ANKRD31: variants seen among roughly 807,000 people sequenced by gnomAD.
ANKRD31 encodes the protein ankyrin repeat domain-containing protein 31.
ANKRD31 carries 147 observed loss-of-function variants against 186.0 expected under a neutral mutation model. That is an observed-to-expected ratio of 0.79 (90% confidence interval 0.69 to 0.91). The LOEUF is 0.91. Ranked by LOEUF, ANKRD31 falls within the 40% of genes least tolerant of loss-of-function variation. The probability of loss-of-function intolerance (pLI) is 0.00; values close to 1 mark genes in which losing one functional copy is unlikely to be tolerated. For synonymous variants in ANKRD31, 673 were observed against 736.4 expected, an observed-to-expected ratio of 0.91 and a Z score of 1.39; for missense variants, 1,986 against 2,148.8, an observed-to-expected ratio of 0.92 and a Z score of 1.50.
At position 75,084,347 on chromosome 5, in the gene ANKRD31, T is replaced by A. The variant is rs1745319221; in HGVS notation, c.5500A>T (p.Arg1834Trp). 1 of 1,537,134 alleles carries A rather than the reference T, an allele frequency of 6.5e-7. No homozygotes were observed. The highest frequency in any genetic ancestry group is 8.7e-7 in the Non-Finnish European group (1 of 1,146,836). Residue 1834 changes from arginine (R) to tryptophan (W), a missense_variant, in exon 24 of 26, where the codon AGG becomes TGG. Arg to Trp is a moderately radical substitution (Grantham distance 101). Coordinates refer to ENST00000506364, the MANE Select transcript of ANKRD31 (RefSeq NM_001372053.1). ...ATGGGTGCATCCTCAGAAACATACC[T>A]TAAAAGCTCCTTCCCAAGATACGTT... Reference protein sequence around the residue: ...KVTYLGKELLRYVSEDAPILP... With the variant: ...KVTYLGKELLWYVSEDAPILP...
In ANKRD31 at chr5:75,144,076, T is replaced by C. The variant is rs903886292; in HGVS notation, c.3520A>G (p.Thr1174Ala). The C allele has an allele frequency of 1.3e-5, 5 of 397,604 alleles. No individual in the cohort carries two copies. The highest frequency in any genetic ancestry group is 2.1e-5 in the African/African-American group (1 of 48,702). 24.6% of individuals were successfully genotyped at this position (397,604 alleles called of 1,614,324 possible). Residue 1174 changes from threonine (T) to alanine (A), a missense_variant, in exon 15 of 26, where the codon ACT (threonine) becomes GCT (alanine). Transcript: ENST00000506364. ...ACTGTTTTGTGTTCTTGGCTATTAG[T>C]AGGCATGTGAATTTCTGACTCCGTT... ...EKTESEIHMP[T>A]NSQEHKTVQN...
chr5:75,178,477 G>C (rs1754003953), intron 10 of ANKRD31, among the ~76,000 whole-genome samples: 2 of 152,174 alleles, frequency 1.3e-5, no homozygotes, highest in African/African-American at 2.4e-5. Flanking sequence ...TGACCACATA[G>C]TTGGAAGTAA....
At position 75,176,876 on chromosome 5, in the gene ANKRD31, G is replaced by A. The variant is rs146856644; in HGVS notation, c.1565-7755C>T. 1.7e-3 allele frequency among the ~76,000 whole-genome samples: 266 copies of A among 152,308 alleles called. 5 individuals carry two copies. Among genetic ancestry groups the A allele is most frequent in the East Asian group, 6.8e-3 (35 of 5,182 alleles). ...TCCTCACCAGCAATGGAACAAAGCT[G>A]GATGGAGAATGACTTTGACGAGTTG... On this transcript the variant is annotated intron_variant, in intron 10 of 25. Coordinates refer to ENST00000506364, the MANE Select transcript of ANKRD31 (RefSeq NM_001372053.1).
At chr5:75,100,705 G>C (rs1223273839) in intron 22 of ANKRD31, among the ~76,000 whole-genome samples, 2 of 152,058 alleles carry the variant, frequency 1.3e-5, no homozygotes, top group South Asian at 4.1e-4. Context: ...TTTGATCTTT[G>C]TTGGTTTAAA....
intron 10 of ANKRD31, among the ~76,000 whole-genome samples, chr5:75,178,657 G>T (rs1346649228): frequency 1.3e-5 from 2 of 152,006 alleles, no homozygotes; most frequent in Non-Finnish European, 2.9e-5. Flanking sequence ...TGAAATGAAG[G>T]CAAAAATAAA....
intron 6 of ANKRD31, 44 bp from the exon 7 acceptor site, chr5:75,196,244 T>A: frequency 7.7e-7 from 1 of 1,305,718 alleles, no homozygotes; most frequent in Non-Finnish European, 9.9e-7. Context: ...GCATATACAA[T>A]AAAGTATTTA....
In ANKRD31 at chr5:75,179,423, C is replaced by A. The variant is rs563511192; in HGVS notation, c.1564+9070G>T. ...TCCTGATGCCAAAGCCTGGCAGAGA[C>A]ACAACAAAAAAAGAGAATTTTAGAC... On this transcript the variant is annotated intron_variant, in intron 10 of 25. Coordinates refer to ENST00000506364, the MANE Select transcript of ANKRD31 (RefSeq NM_001372053.1). Among the ~76,000 whole-genome samples, 5 of 152,182 alleles carry A rather than the reference C, an allele frequency of 3.3e-5. No homozygotes were observed. The East Asian group carries it at 7.7e-4, about 23-fold the overall frequency.
At chr5:75,215,818 C>T (rs1372906855) in intron 3 of ANKRD31, among the ~76,000 whole-genome samples, 1 of 150,320 alleles carries the variant, frequency 6.7e-6, no homozygotes, top group Admixed American at 6.6e-5. Context: ...TGCAAAACAA[C>T]AAATTAAAAA....
chr5:75,212,876 T>C (rs1280535904), intron 3 of ANKRD31, among the ~76,000 whole-genome samples: 3 of 152,250 alleles, frequency 2.0e-5, no homozygotes, highest in East Asian at 3.9e-4. Flanking sequence ...TCTCTGAAAA[T>C]AAAGCCATTA....
In ANKRD31 at chr5:75,193,389, T is replaced by C; in HGVS notation, c.1220A>G (p.Lys407Arg). Residue 407 changes from lysine (K) to arginine (R), a missense_variant, in exon 8 of 26, where the codon AAG becomes AGG. By Grantham distance (26) the Lys-to-Arg change is conservative. Coordinates refer to ENST00000506364, the MANE Select transcript of ANKRD31 (RefSeq NM_001372053.1). ...TTTTGGTAAAATCTTTTCTGGCATC[T>C]TATACATGTGATCTGAGTACTTTGC... is the stretch of plus-strand genomic sequence containing the variant. ...RDAKYSDHMY[K>R]MPEKILPKIL... 1 of 1,537,124 alleles carries C rather than the reference T, an allele frequency of 6.5e-7. No individual in the cohort carries two copies. The highest frequency in any genetic ancestry group is 8.7e-7 in the Non-Finnish European group (1 of 1,146,744).
chr5:75,222,246 C>G lies in ANKRD31; in HGVS notation c.288+3G>C, dbSNP rs1757346370. 6.6e-7 allele frequency: 1 copy of G among 1,526,560 alleles called. No homozygotes were observed. Among genetic ancestry groups the G allele is most frequent in the South Asian group, 1.2e-5 (1 of 83,186 alleles). The allele number at this position is 1,526,560 out of a possible 1,614,324, so 94.6% of individuals were successfully genotyped here. On this transcript the variant is annotated splice_donor_region_variant and intron_variant, in intron 3 of 25. Coordinates refer to ENST00000506364, the MANE Select transcript of ANKRD31 (RefSeq NM_001372053.1). ...GTATGTATTCAATCAACATGCTACA[C>G]ACCTGTAATATTGTATCCTCGCTAA...
intron 16 of ANKRD31, among the ~76,000 whole-genome samples, chr5:75,138,552 G>C (rs1217834623): frequency 6.6e-6 from 1 of 152,158 alleles, no homozygotes; most frequent in East Asian, 1.9e-4. Flanking sequence ...TCTCATCAAA[G>C]TTACAGGATA....
intron 4 of ANKRD31, among the ~76,000 whole-genome samples, chr5:75,208,493 A>G (rs1756398878): frequency 6.6e-6 from 1 of 151,626 alleles, no homozygotes; most frequent in Admixed American, 6.6e-5. Context: ...TCCTTATCTG[A>G]CTGAGAAAGC....
intron 23 of ANKRD31, among the ~76,000 whole-genome samples, chr5:75,086,534 G>A (rs1474978791): frequency 6.6e-6 from 1 of 152,220 alleles, no homozygotes; most frequent in Non-Finnish European, 1.5e-5. Flanking sequence ...GGAAGAGCTG[G>A]AGGCTAAGTT....
chr5:75,195,661 CTGAGACGTAT>C lies in ANKRD31; in HGVS notation c.977_986del (p.Asn326ArgfsTer9). ...CTATTTGTGTACAATCTTCATTGGT[CTGAGACGTAT>C]TGAACTCCACTTCTAAACATTCATT... On this transcript the variant is annotated frameshift_variant, in exon 7 of 26. Transcript: ENST00000506364. LOFTEE classifies it high-confidence loss of function. The C allele has an allele frequency of 6.5e-7, 1 of 1,534,670 alleles. No homozygotes were observed.
chr5:75,133,181 A>G (rs972113027), intron 17 of ANKRD31, among the ~76,000 whole-genome samples: 1 of 152,246 alleles, frequency 6.6e-6, no homozygotes, highest in African/African-American at 2.4e-5. Context: ...TTAAATGTAA[A>G]TGAGCTAACT....
At chr5:75,124,447 A>C (rs976836523) in intron 17 of ANKRD31, among the ~76,000 whole-genome samples, 1 of 152,210 alleles carries the variant, frequency 6.6e-6, no homozygotes, top group South Asian at 2.1e-4. Flanking sequence ...ACCCACAGGA[A>C]AAGAAATCAT....
chr5:75,112,900 T>C (rs1747898888), intron 19 of ANKRD31, among the ~76,000 whole-genome samples: 1 of 152,186 alleles, frequency 6.6e-6, no homozygotes, highest in African/African-American at 2.4e-5. Flanking sequence ...ACTATAGGTG[T>C]AGGAGAAAAA....
chr5:75,096,986 G>T (rs891529623), intron 22 of ANKRD31, among the ~76,000 whole-genome samples: 1 of 152,140 alleles, frequency 6.6e-6, no homozygotes, highest in South Asian at 2.1e-4. Flanking sequence ...CAAAGGACAT[G>T]AACTCATCTT....
Sources: allele counts gnomAD v4.1 joint callset (sites outside exome capture counted in the v4.1 genomes callset), GRCh38; gene constraint gnomAD v4.1.1; transcripts MANE v1.5; gene names NCBI Gene and HGNC (gene_info 2026-07-23, HGNC 2026-07-21).